Variants in MKLN1 observed in about 807,000 individuals in gnomAD.
MKLN1 encodes the protein muskelin.
A neutral mutation model predicts 99.0 loss-of-function variants in MKLN1; 18 were observed. That is an observed-to-expected ratio of 0.18 (90% CI 0.13 to 0.27). The LOEUF is 0.27. MKLN1 is among the 10% of genes least tolerant of loss of function. MKLN1 has a pLI of 1.00. For missense variants in MKLN1, 621 were observed against 875.9 expected, an observed-to-expected ratio of 0.71 and a Z score of 3.67; for synonymous variants, 288 against 293.2, an observed-to-expected ratio of 0.98 and a Z score of 0.18.
chr7:131,211,368 G>A (rs1009996603), intron 3 of MKLN1, among the ~76,000 whole-genome samples: 9 of 152,096 alleles, frequency 5.9e-5, no homozygotes, highest in Admixed American at 3.9e-4. Flanking sequence ...ATTTGCCAGT[G>A]GGCCATCAGA....
chr7:131,269,843 T>C (rs1797858588), intron 3 of MKLN1, among the ~76,000 whole-genome samples: 1 of 152,236 alleles, frequency 6.6e-6, no homozygotes, highest in Admixed American at 6.5e-5. Flanking sequence ...AAGGGAACAC[T>C]GGTAAGGTTC....
chr7:131,306,891 A>AAT (rs1798474829), intron 3 of MKLN1, among the ~76,000 whole-genome samples: 1 of 152,218 alleles, frequency 6.6e-6, no homozygotes, highest in Non-Finnish European at 1.5e-5. Flanking sequence ...CAATGCAGAA[A>AAT]ATGTCTCCAG....
chr7:131,478,517 T>A, intron 16 of MKLN1, 106 bp from the exon 17 acceptor site: 1 of 1,144,432 alleles, frequency 8.7e-7, no homozygotes, highest in East Asian at 2.7e-5. Flanking sequence ...TATGCAGAAA[T>A]ACGTAGTTGC....
At chr7:131,260,289 T>C (rs7798272) in intron 3 of MKLN1, among the ~76,000 whole-genome samples, 146,980 of 152,218 alleles carry the variant, frequency 0.97, 71,167 homozygotes, top group East Asian at 1. Context: ...AAGCAATCCA[T>C]CCACCTCAGC....
chr7:131,439,227 G>A (rs1363629973), intron 10 of MKLN1, among the ~76,000 whole-genome samples: 1 of 151,494 alleles, frequency 6.6e-6, no homozygotes, highest in Non-Finnish European at 1.5e-5. Flanking sequence ...TATTGTTAGG[G>A]AACAATTTAT....
intron 16 of MKLN1, among the ~76,000 whole-genome samples, chr7:131,475,286 C>G (rs1279567062): frequency 6.6e-6 from 1 of 151,790 alleles, no homozygotes; most frequent in Non-Finnish European, 1.5e-5. Context: ...CACAGTTTAC[C>G]AAAACTGACA....
At chr7:131,434,004 C>T (rs1795605194) in intron 9 of MKLN1, among the ~76,000 whole-genome samples, 2 of 151,634 alleles carry the variant, frequency 1.3e-5, no homozygotes, top group African/African-American at 2.4e-5. Flanking sequence ...CTACCTCAGC[C>T]TCCCGAGTAG....
chr7:131,429,250 A>G (rs1404852255), intron 9 of MKLN1, 105 bp downstream of exon 9: 1 of 683,392 alleles, frequency 1.5e-6, no homozygotes, highest in East Asian at 2.9e-5. Context: ...CAGCAGTAGT[A>G]GCAATAGAAT....
chr7:131,218,164 G>A lies in MKLN1; in HGVS notation c.-179+15190G>A, dbSNP rs530399907. ...CTGAGTGGTGCCAGTTGGTTCATAC[G>A]GAATACAAGGTCTGAAAAATATCTC... On this transcript the variant is annotated intron_variant, in intron 3 of 7. Coordinates refer to the MKLN1 transcript ENST00000416992. 3.3e-5 allele frequency among the ~76,000 whole-genome samples: 5 copies of A among 152,262 alleles called. No homozygotes were observed. The East Asian group carries it at 5.8e-4, about 18-fold the overall frequency.
At chr7:131,333,245 T>A (rs1408295180) in intron 1 of MKLN1, among the ~76,000 whole-genome samples, 2 of 151,806 alleles carry the variant, frequency 1.3e-5, no homozygotes, top group Non-Finnish European at 2.9e-5. Context: ...GCTAATTTTT[T>A]AAATTTTTTT....
chr7:131,250,111 A>G lies in MKLN1; in HGVS notation c.-179+47137A>G, dbSNP rs537028197. ...TATAGCAGAGACCACGGGGAAGCAGAAAAAGAAGACTGGGAGAGATATAAA... is the reference window on the plus strand; with the variant it reads ...TATAGCAGAGACCACGGGGAAGCAGGAAAAGAAGACTGGGAGAGATATAAA... On this transcript the variant is annotated intron_variant, in intron 3 of 7. Transcript: ENST00000416992. Among the ~76,000 whole-genome samples the G allele has an allele frequency of 1.2e-3, 189 of 152,328 alleles. 2 individuals are homozygous for G. Among genetic ancestry groups the G allele is most frequent in the African/African-American group, 3.8e-3 (160 of 41,570 alleles).
intron 1 of MKLN1, among the ~76,000 whole-genome samples, chr7:131,333,492 C>T (rs1799155919): frequency 6.6e-6 from 1 of 151,744 alleles, no homozygotes; most frequent in African/African-American, 2.4e-5. Context: ...ATTTGTGTTT[C>T]TTGTTATTTG....
intron 2 of MKLN1, among the ~76,000 whole-genome samples, chr7:131,159,037 T>A (rs28639374): frequency 0.19 from 28,384 of 151,228 alleles, 3,481 homozygotes; most frequent in East Asian, 0.52. Context: ...CAAAAAAATT[T>A]AAAAAAAAAT....
At position 131,464,294 on chromosome 7, in the gene MKLN1, G is replaced by T. The variant is rs1460896664; in HGVS notation, c.1674G>T (p.Trp558Cys). Residue 558 changes from tryptophan (W) to cysteine (C), a missense_variant and splice_region_variant, in exon 14 of 18, where the codon TGG becomes TGT. Trp to Cys is a radical substitution (Grantham distance 215, BLOSUM62 -2). Transcript: ENST00000352689. ...FWIYDIVRNS[W>C]SCVYKNDQAA... Reference sequence around the variant, plus strand: ...ATGCCTTAAAAGCAATGTCTTGCAGGTCTTGTGTCTATAAGAATGATCAAG... The same window carrying T: ...ATGCCTTAAAAGCAATGTCTTGCAGTTCTTGTGTCTATAAGAATGATCAAG... The T allele has an allele frequency of 1.3e-6, 2 of 1,587,696 alleles. No individual in the cohort carries two copies. Among genetic ancestry groups the T allele is most frequent in the Non-Finnish European group, 1.7e-6 (2 of 1,156,838 alleles).
intron 2 of MKLN1, among the ~76,000 whole-genome samples, chr7:131,149,514 T>C (rs751017424): frequency 2.6e-5 from 4 of 152,218 alleles, no homozygotes; most frequent in Non-Finnish European, 4.4e-5. Flanking sequence ...GTGTCTGAGA[T>C]CAACAAGTAG....
intron 12 of MKLN1, among the ~76,000 whole-genome samples, chr7:131,462,903 C>T (rs1490794502): frequency 6.6e-6 from 1 of 152,124 alleles, no homozygotes; most frequent in Non-Finnish European, 1.5e-5. Context: ...AGGAATATTG[C>T]TTAAGGCCAG....
At chr7:131,342,845 A>T (rs1799447489) in intron 1 of MKLN1, among the ~76,000 whole-genome samples, 1 of 152,212 alleles carries the variant, frequency 6.6e-6, no homozygotes. Flanking sequence ...TTTTTAAAAA[A>T]TGTATATTTT....
rs774560390 is a variant in MKLN1 at position 131,493,988 on chromosome 7, G to A, written c.*6260G>A. 2.6e-5 allele frequency: 4 copies of A among 152,166 alleles called. No individual in the cohort carries two copies. The highest frequency in any genetic ancestry group is 9.7e-5 in the African/African-American group (4 of 41,422). The allele number at this position is 152,166 out of a possible 1,614,324, so 9.4% of individuals were successfully genotyped here. Reference sequence around the variant, plus strand: ...AGCCAATTTTGAGCTTTATTTCTCCGTTGTTAACAAATCTCAAGAAAGCCT... The same window carrying A: ...AGCCAATTTTGAGCTTTATTTCTCCATTGTTAACAAATCTCAAGAAAGCCT... On this transcript the variant is annotated 3_prime_UTR_variant, in exon 18 of 18. Coordinates refer to ENST00000352689, the MANE Select transcript of MKLN1 (RefSeq NM_013255.5).
At chr7:131,128,403 G>T (rs1277873631) in intron 1 of MKLN1, among the ~76,000 whole-genome samples, 1 of 152,072 alleles carries the variant, frequency 6.6e-6, no homozygotes, top group Middle Eastern at 3.2e-3. Context: ...AAAAAGCAAT[G>T]GTTTATGGTT....
Sources: allele counts gnomAD v4.1 joint callset (sites outside exome capture counted in the v4.1 genomes callset), GRCh38; gene constraint gnomAD v4.1.1; transcripts MANE v1.5; gene names NCBI Gene and HGNC (gene_info 2026-07-23, HGNC 2026-07-21).